ADAMTSL1: variants seen among roughly 807,000 people sequenced by gnomAD.
The protein encoded by ADAMTSL1 is ADAMTS-like protein 1.
In ADAMTSL1, 126 loss-of-function variants were observed where a neutral mutation model predicts 201.8. The ratio of observed to expected loss-of-function variants is 0.62; its 90% CI spans 0.54 to 0.72. The LOEUF (loss-of-function observed/expected upper bound fraction) is 0.72. Ranked by LOEUF, ADAMTSL1 falls within the 30% of genes least tolerant of loss-of-function variation. The probability of loss-of-function intolerance (pLI) is 0.00; values close to 1 mark genes in which losing one functional copy is unlikely to be tolerated. For synonymous variants in ADAMTSL1, 1,121 were observed against 903.4 expected (o/e 1.24, Z -4.32); for missense variants, 2,679 against 2,277.8 (o/e 1.18, Z -3.59).
At chr9:18,024,466 T>G (rs1283112846) in intron 1 of ADAMTSL1, among the ~76,000 whole-genome samples, 7 of 152,080 alleles carry the variant, frequency 4.6e-5, no homozygotes, top group Non-Finnish European at 7.4e-5. Flanking sequence ...CATCTTTATG[T>G]CCCTGTGAAT....
At chr9:18,856,800 A>C (rs909402423) in intron 23 of ADAMTSL1, among the ~76,000 whole-genome samples, 1 of 152,136 alleles carries the variant, frequency 6.6e-6, no homozygotes, top group East Asian at 1.9e-4. Context: ...TCAGCATTCA[A>C]ATAAAACAAA....
intron 2 of ADAMTSL1, 101 bp from the exon 3 acceptor site, chr9:18,533,146 G>T: frequency 5.0e-6 from 4 of 796,458 alleles, no homozygotes. Flanking sequence ...AGAAAAGAGA[G>T]GCCCTTTTAC....
intron 19 of ADAMTSL1, among the ~76,000 whole-genome samples, 175 bp downstream of exon 19, chr9:18,778,081 A>C (rs1316644911): frequency 6.6e-6 from 1 of 152,250 alleles, no homozygotes; most frequent in African/African-American, 2.4e-5. Context: ...ACTGGAGCAA[A>C]GACAAGCTAT....
intron 3 of ADAMTSL1, among the ~76,000 whole-genome samples, chr9:18,553,210 C>CTTT (rs35874115): frequency 1.0e-4 from 14 of 135,834 alleles, no homozygotes; most frequent in East Asian, 2.1e-4. Flanking sequence ...TAGTCCCAGT[C>CTTT]TTTTTTTTTT....
chr9:18,472,286 G>A (rs1821246091), upstream of ADAMTSL1, among the ~76,000 whole-genome samples: 1 of 152,194 alleles, frequency 6.6e-6, no homozygotes, highest in African/African-American at 2.4e-5. Context: ...AACAATAGTG[G>A]AAAGACAAAG....
At chr9:18,741,896 C>T (rs752486767) in intron 15 of ADAMTSL1, among the ~76,000 whole-genome samples, 22 of 152,322 alleles carry the variant, frequency 1.4e-4, no homozygotes, top group Non-Finnish European at 2.8e-4. Context: ...AGCCCTTCCT[C>T]TTCCAGCAGT....
chr9:18,601,262 G>A (rs1051084526), intron 4 of ADAMTSL1, among the ~76,000 whole-genome samples: 1 of 152,086 alleles, frequency 6.6e-6, no homozygotes, highest in African/African-American at 2.4e-5. Flanking sequence ...TCATTGAAAG[G>A]ATAAAGATTA....
At chr9:17,925,926 C>G (rs192167085) in intron 1 of ADAMTSL1, among the ~76,000 whole-genome samples, 14 of 151,794 alleles carry the variant, frequency 9.2e-5, no homozygotes, top group African/African-American at 3.4e-4. Flanking sequence ...ATACGTGCTG[C>G]TCAATACCTT....
chr9:18,698,459 T>C (rs1831705353), intron 13 of ADAMTSL1, among the ~76,000 whole-genome samples: 1 of 151,966 alleles, frequency 6.6e-6, no homozygotes, highest in Non-Finnish European at 1.5e-5. Context: ...TAATTTTTTG[T>C]ATTTTTAGTA....
intron 17 of ADAMTSL1, among the ~76,000 whole-genome samples, chr9:18,773,609 A>C (rs1359866115): frequency 1.3e-5 from 2 of 152,224 alleles, no homozygotes; most frequent in Non-Finnish European, 2.9e-5. Flanking sequence ...GGGTCTCCTC[A>C]TCACCTGAGA....
intron 4 of ADAMTSL1, among the ~76,000 whole-genome samples, chr9:18,612,746 A>G (rs929435909): frequency 6.6e-6 from 1 of 152,204 alleles, no homozygotes; most frequent in African/African-American, 2.4e-5. Context: ...ACTTAAGTGT[A>G]AAACCTAAAA....
chr9:18,457,622 C>T (rs868725495), intron 2 of ADAMTSL1, among the ~76,000 whole-genome samples: 5 of 152,328 alleles, frequency 3.3e-5, no homozygotes, highest in Admixed American at 6.5e-5. Context: ...GCATAAGCCT[C>T]TGCACCCGAC....
At chr9:18,718,638 C>A (rs911079663) in intron 14 of ADAMTSL1, 2 of 357,306 alleles carry the variant, frequency 5.6e-6, no homozygotes, top group Non-Finnish European at 1.1e-5. Flanking sequence ...CTGCCGCTGC[C>A]GCCGCCGCTC....
At chr9:18,186,378 C>G (rs1302096071) in intron 2 of ADAMTSL1, among the ~76,000 whole-genome samples, 1 of 152,276 alleles carries the variant, frequency 6.6e-6, no homozygotes, top group Non-Finnish European at 1.5e-5. Flanking sequence ...TTCTCTGCAT[C>G]TCTTGACATT....
intron 2 of ADAMTSL1, among the ~76,000 whole-genome samples, chr9:18,222,562 C>CTTTGATT (rs1427258174): frequency 2.0e-5 from 3 of 149,646 alleles, no homozygotes; most frequent in Non-Finnish European, 4.5e-5. Context: ...TTTAGTCCTA[C>CTTTGATT]TTTGATTTTG....
At chr9:18,813,428 G>C (rs1201205790) in intron 20 of ADAMTSL1, among the ~76,000 whole-genome samples, 1 of 152,132 alleles carries the variant, frequency 6.6e-6, no homozygotes, top group Non-Finnish European at 1.5e-5. Flanking sequence ...ATGGACATTT[G>C]AACAATATTA....
At chr9:18,214,626 A>G (rs1210811156) in intron 2 of ADAMTSL1, among the ~76,000 whole-genome samples, 2 of 152,258 alleles carry the variant, frequency 1.3e-5, no homozygotes, top group Non-Finnish European at 2.9e-5. Flanking sequence ...TGCAGAAGCT[A>G]ACTTTGAATT....
intron 4 of ADAMTSL1, among the ~76,000 whole-genome samples, chr9:18,595,138 G>C (rs545912006): frequency 6.6e-6 from 1 of 152,124 alleles, no homozygotes; most frequent in Non-Finnish European, 1.5e-5. Context: ...GAGTAATAGG[G>C]CTATGTGGGA....
At chr9:18,862,456 C>G (rs569705952) in intron 23 of ADAMTSL1, among the ~76,000 whole-genome samples, 1 of 152,128 alleles carries the variant, frequency 6.6e-6, no homozygotes, top group African/African-American at 2.4e-5. Flanking sequence ...TCATAGAGTC[C>G]GCAGGTTTTC....
Sources: allele counts gnomAD v4.1 joint callset (sites outside exome capture counted in the v4.1 genomes callset), GRCh38; gene constraint gnomAD v4.1.1; transcripts MANE v1.5; gene names NCBI Gene and HGNC (gene_info 2026-07-23, HGNC 2026-07-21).